The following CNN1 variants were observed in gnomAD, a reference collection of about 807,000 sequenced individuals.
CNN1 encodes the protein calponin 1.
CNN1 carries 21 observed loss-of-function variants against 35.3 expected under a neutral mutation model. The ratio of observed to expected loss-of-function variants is 0.60; its 90% CI spans 0.42 to 0.86. CNN1 has a LOEUF of 0.86. Among genes scored for constraint, CNN1 ranks in the 40% least tolerant of loss-of-function variants. CNN1 has a pLI of 0.00. For synonymous variants in CNN1, 164 were observed against 161.8 expected, an observed-to-expected ratio of 1.01 and a Z score of -0.10; for missense variants, 314 against 400.8, an observed-to-expected ratio of 0.78 and a Z score of 1.85.
At chr19:11,543,507 G>A (rs542231223) in intron 2 of CNN1, among the ~76,000 whole-genome samples, 14 of 146,746 alleles carry the variant, frequency 9.5e-5, no homozygotes, top group Non-Finnish European at 1.8e-4. Flanking sequence ...TGGGCCGGGC[G>A]CGGTGACTCA....
At chr19:11,546,337 TTC>T (rs1273154125) in intron 2 of CNN1, among the ~76,000 whole-genome samples, 1 of 149,810 alleles carries the variant, frequency 6.7e-6, no homozygotes, top group Non-Finnish European at 1.5e-5. Flanking sequence ...GGGGACACCT[TTC>T]TTTCTTTTTT....
At chr19:11,548,836 CAAATA>C (rs1165397078) in intron 5 of CNN1, among the ~76,000 whole-genome samples, 1 of 151,496 alleles carries the variant, frequency 6.6e-6, no homozygotes, top group African/African-American at 2.4e-5. Context: ...GATGCTATCT[CAAATA>C]AAATAAAATA....
chr19:11,549,626 A>C lies in CNN1; in HGVS notation c.725A>C (p.Asn242Thr), dbSNP rs148602672. Residue 242 changes from asparagine (N) to threonine (T), a missense_variant, in exon 7 of 7, where the codon AAT becomes ACT. Transcript: ENST00000252456. The surrounding 1 kb of genome is among the most constrained non-coding windows in gnomAD (Gnocchi z 5.2). ...GGCATGGAGCACTGCGACACGCTCA[A>C]TGTCAGCCTGCAGATGGGCAGCAAC... ...GLGMEHCDTL[N>T]VSLQMGSNKG... 1.2e-6 allele frequency: 2 copies of C among 1,613,024 alleles called. No individual in the cohort carries two copies. The highest frequency in any genetic ancestry group is 1.7e-6 in the Non-Finnish European group (2 of 1,179,460).
chr19:11,543,049 T>G (rs1430616253), intron 2 of CNN1, among the ~76,000 whole-genome samples: 2 of 152,162 alleles, frequency 1.3e-5, no homozygotes. Flanking sequence ...CCTTGTTCCA[T>G]TCCCATCCAC....
Position 11,549,193 on chromosome 19 carries a change from AAAAT to A in CNN1, c.502-122_502-119del. 4 of 1,065,952 alleles carry A rather than the reference AAAAT, an allele frequency of 3.8e-6. 1 individual carries two copies. Among genetic ancestry groups the A allele is most frequent in the South Asian group, 4.4e-5 (2 of 45,384 alleles). 66.0% of individuals were successfully genotyped at this position (1,065,952 alleles called of 1,614,324 possible). On this transcript the variant is annotated intron_variant, in intron 5 of 6. Coordinates refer to ENST00000252456, the MANE Select transcript of CNN1 (RefSeq NM_001299.6). This position sits in a 1 kb window ranked among gnomAD's most constrained non-coding sequence, Gnocchi z 5.2. ...ACAGAGCAAGACTCCGTCTCAAAAA[AAAAT>A]AAATAAAATAAAATAAAAATTGAAA...
At chr19:11,539,790 G>A (rs1448875770) in intron 1 of CNN1, 4 of 1,174,196 alleles carry the variant, frequency 3.4e-6, no homozygotes, top group Non-Finnish European at 4.3e-6. Context: ...AACCTGGGTC[G>A]AGGGATCTCG....
chr19:11,545,772 C>T (rs979163381), intron 2 of CNN1, among the ~76,000 whole-genome samples: 6 of 109,552 alleles, frequency 5.5e-5, no homozygotes, highest in Non-Finnish European at 1.1e-4. Context: ...TTGGGCAATA[C>T]AAATACAGTG....
chr19:11,547,665 A>C (rs1972619787), intron 4 of CNN1, 132 bp from the exon 5 acceptor site: 5 of 620,948 alleles, frequency 8.1e-6, no homozygotes, highest in Non-Finnish European at 1.4e-5. Context: ...GTGAGCTGAG[A>C]TCACGCCACT....
intron 1 of CNN1, 64 bp downstream of exon 1, chr19:11,539,054 G>C: frequency 1.4e-6 from 2 of 1,408,472 alleles, no homozygotes; most frequent in Non-Finnish European, 1.9e-6. Context: ...CCTGAGCTTG[G>C]GGTCCCTTGA....
chr19:11,540,236 A>C (rs1972430402), intron 1 of CNN1: 1 of 219,486 alleles, frequency 4.6e-6, no homozygotes, highest in Non-Finnish European at 7.8e-6. Context: ...CACCCTAGGG[A>C]CAGACGGGGG....
At chr19:11,542,691 T>A (rs539387499) in intron 2 of CNN1, among the ~76,000 whole-genome samples, 18 of 151,540 alleles carry the variant, frequency 1.2e-4, no homozygotes, top group African/African-American at 4.4e-4. Context: ...TTCTCCTGCC[T>A]CAGCCTCCTG....
chr19:11,544,573 C>T (rs1019783916), intron 2 of CNN1, among the ~76,000 whole-genome samples: 16 of 151,874 alleles, frequency 1.1e-4, no homozygotes, highest in Admixed American at 7.2e-4. Flanking sequence ...CTAGGCTCAA[C>T]TGATCCTCCC....
At chr19:11,544,094 T>G (rs577048649) in intron 2 of CNN1, among the ~76,000 whole-genome samples, 1 of 151,954 alleles carries the variant, frequency 6.6e-6, no homozygotes, top group Admixed American at 6.6e-5. Context: ...TTAGTCCAGT[T>G]GAGGAGATCA....
At chr19:11,545,321 G>A (rs925109817) in intron 2 of CNN1, among the ~76,000 whole-genome samples, 24 of 152,050 alleles carry the variant, frequency 1.6e-4, no homozygotes, top group Middle Eastern at 3.4e-3. Context: ...TGAGACCCAG[G>A]TGGAGGTGGC....
In CNN1 at chr19:11,549,256, C is replaced by T. The variant is rs143728412; in HGVS notation, c.502-67C>T. 3.9e-6 allele frequency: 6 copies of T among 1,536,068 alleles called. No individual in the cohort carries two copies. In the East Asian group the frequency reaches 6.9e-5, roughly 18 times the overall value. ...AAAGCGGCGCCTCATCCTCTCCCATCAGCTATGCCTCATGGCCCATGATGA... is the reference window on the plus strand; with the variant it reads ...AAAGCGGCGCCTCATCCTCTCCCATTAGCTATGCCTCATGGCCCATGATGA... On this transcript the variant is annotated intron_variant, in intron 5 of 6. Coordinates refer to ENST00000252456, the MANE Select transcript of CNN1 (RefSeq NM_001299.6). This position sits in a 1 kb window ranked among gnomAD's most constrained non-coding sequence, Gnocchi z 5.2.
At chr19:11,541,044 T>C (rs1282836753) in intron 1 of CNN1, 32 bp from the exon 2 acceptor site, 1 of 1,562,970 alleles carries the variant, frequency 6.4e-7, no homozygotes, top group Non-Finnish European at 8.7e-7. Context: ...CTCACCCCTT[T>C]CTCTGTGCCC....
chr19:11,547,915 C>G lies in CNN1; in HGVS notation c.501+8C>G. 5 of 1,610,656 alleles carry G rather than the reference C, an allele frequency of 3.1e-6. No individual in the cohort carries two copies. Among genetic ancestry groups the G allele is most frequent in the Middle Eastern group, 1.7e-4 (1 of 6,050 alleles). ...AACATCATTGGGCTGCAGGTACCGC[C>G]CTGTCCTCACTGCGCAGAGGTCATA... On this transcript the variant is annotated splice_region_variant and intron_variant, in intron 5 of 6. Transcript: ENST00000252456.
rs767743661 is a variant in CNN1 at position 11,549,824 on chromosome 19, C to CA, written c.*31dup. 1.6e-5 allele frequency: 25 copies of CA among 1,575,596 alleles called. No homozygotes were observed. The South Asian group carries it at 2.8e-4, about 18-fold the overall frequency. On this transcript the variant is annotated 3_prime_UTR_variant, in exon 7 of 7. Coordinates refer to ENST00000252456, the MANE Select transcript of CNN1 (RefSeq NM_001299.6). The surrounding 1 kb of genome is among the most constrained non-coding windows in gnomAD (Gnocchi z 5.2). ...CACAAGGCCTTCCCTGTTTTCCCCC[C>CA]AAGGGAGGCTGCTGCTGCTCTTGGC... is the stretch of plus-strand genomic sequence containing the variant.
intron 2 of CNN1, among the ~76,000 whole-genome samples, chr19:11,542,435 C>T (rs1007673429): frequency 2.6e-5 from 4 of 151,948 alleles, no homozygotes; most frequent in Admixed American, 2.6e-4. Flanking sequence ...TCAAGTGATC[C>T]ACCCGCCTTA....
Sources: gnomAD v4.1 joint callset for allele counts (sites outside exome capture counted in the v4.1 genomes callset) on GRCh38, gnomAD v4.1.1 for gene constraint, Gnocchi (gnomAD v3.1) non-coding constraint, MANE v1.5 for transcripts, NCBI Gene and HGNC (gene_info 2026-07-23, HGNC 2026-07-21) for gene names.